Variants in DENND11 observed in about 807,000 individuals in gnomAD.
DENND11 encodes the protein DENN domain-containing protein 11.
A neutral mutation model predicts 49.2 loss-of-function variants in DENND11; 34 were observed. The observed-to-expected ratio is 0.69, with a 90% CI of 0.53 to 0.92. The LOEUF is 0.92. Among genes scored for constraint, DENND11 ranks in the 40% least tolerant of loss-of-function variants. The pLI is 0.00. For missense variants in DENND11, 475 were observed against 581.6 expected, an observed-to-expected ratio of 0.82 and a Z score of 1.88; for synonymous variants, 238 against 230.3, an observed-to-expected ratio of 1.03 and a Z score of -0.30.
rs1424126145 is a variant in DENND11, at chr7:141,702,056, C to T, written c.98G>A (p.Gly33Asp). ...CCGGGCGCCCCCGCCGCCGCCCCGG[C>T]CCCAGCCTCCCGCCTGCGGCTGCGG... is the stretch of plus-strand genomic sequence containing the variant. ...QAPQPQAGGW[G>D]RGGGGGARPA... Residue 33 changes from glycine to aspartate, a missense_variant, in exon 1 of 9, where the codon GGC becomes GAC. Coordinates refer to ENST00000536163, the MANE Select transcript of DENND11 (RefSeq NM_001080392.2). 63 of 991,278 alleles carry T rather than the reference C, an allele frequency of 6.4e-5. No homozygotes were observed. The highest frequency in any genetic ancestry group is 7.5e-5 in the Non-Finnish European group (63 of 835,376). 61.4% of individuals were successfully genotyped at this position (991,278 alleles called of 1,614,324 possible). A position where few individuals can be genotyped will look rare whatever the true frequency, so the allele number is the denominator to read the frequency against.
At chr7:141,695,818 G>A (rs573222831) in intron 1 of DENND11, among the ~76,000 whole-genome samples, 6 of 152,098 alleles carry the variant, frequency 3.9e-5, no homozygotes, top group Admixed American at 1.3e-4. Context: ...ACCATGACTT[G>A]GACCTATTAC....
chr7:141,676,989 A>G (rs574186922), intron 3 of DENND11, among the ~76,000 whole-genome samples: 1 of 152,298 alleles, frequency 6.6e-6, no homozygotes, highest in African/African-American at 2.4e-5. Flanking sequence ...TTCACTGATA[A>G]AACACAGCCA....
intron 1 of DENND11, among the ~76,000 whole-genome samples, chr7:141,692,906 T>G (rs1266805002): frequency 6.6e-6 from 1 of 152,178 alleles, no homozygotes; most frequent in East Asian, 1.9e-4. Context: ...ATTATAAAAT[T>G]TCTAGAAGAT....
intron 3 of DENND11, among the ~76,000 whole-genome samples, chr7:141,682,582 G>T (rs1798164201): frequency 6.6e-6 from 1 of 152,188 alleles, no homozygotes; most frequent in Non-Finnish European, 1.5e-5. Context: ...TAACATTTGG[G>T]AAAGAGCACC....
In DENND11 at chr7:141,658,035, A is replaced by G. The variant is rs1797725514; in HGVS notation, c.*4621T>C. 6.6e-6 allele frequency: 1 copy of G among 152,282 alleles called. No homozygotes were observed. Among genetic ancestry groups the G allele is most frequent in the Non-Finnish European group, 1.5e-5 (1 of 68,026 alleles). The allele number at this position is 152,282 out of a possible 1,614,324, so 9.4% of individuals were successfully genotyped here. A position where few individuals can be genotyped will look rare whatever the true frequency, so the allele number is the denominator to read the frequency against. ...TCCTAAAGAGCGCTGTCAGGATTTC[A>G]TAGCACAATCTCCTTATTCACTCTC... is the stretch of plus-strand genomic sequence containing the variant. On this transcript the variant is annotated 3_prime_UTR_variant, in exon 9 of 9. Coordinates refer to ENST00000536163, the MANE Select transcript of DENND11 (RefSeq NM_001080392.2).
intron 4 of DENND11, among the ~76,000 whole-genome samples, chr7:141,670,651 G>C (rs897330605): frequency 6.6e-6 from 1 of 152,152 alleles, no homozygotes; most frequent in African/African-American, 2.4e-5. Flanking sequence ...GACTTTGATG[G>C]GATTATGGCT....
intron 4 of DENND11, among the ~76,000 whole-genome samples, chr7:141,673,249 A>C (rs1206714552): frequency 6.6e-6 from 1 of 152,206 alleles, no homozygotes; most frequent in Non-Finnish European, 1.5e-5. Context: ...GGAATAAAAA[A>C]AAAAAAACAA....
At chr7:141,666,858 C>T (rs1246974563) in intron 4 of DENND11, among the ~76,000 whole-genome samples, 1 of 152,180 alleles carries the variant, frequency 6.6e-6, no homozygotes, top group Non-Finnish European at 1.5e-5. Context: ...AGTGAGGTGT[C>T]TGCAGAAGTC....
chr7:141,696,054 G>A (rs1220846741), intron 1 of DENND11, among the ~76,000 whole-genome samples: 4 of 152,340 alleles, frequency 2.6e-5, no homozygotes, highest in Non-Finnish European at 4.4e-5. Context: ...AACCGACTAC[G>A]AGGCTGGCAG....
At chr7:141,665,567 C>T (rs1321304172) in intron 5 of DENND11, among the ~76,000 whole-genome samples, 1 of 152,128 alleles carries the variant, frequency 6.6e-6, no homozygotes, top group Non-Finnish European at 1.5e-5. Flanking sequence ...TCTAGCTGGT[C>T]TTGCTTAGAA....
intron 1 of DENND11, among the ~76,000 whole-genome samples, chr7:141,690,148 A>T (rs1798304197): frequency 6.6e-6 from 1 of 152,216 alleles, no homozygotes; most frequent in African/African-American, 2.4e-5. Context: ...TCCACTGCAT[A>T]GCTGCTTCTC....
Position 141,662,624 on chromosome 7 carries a change from C to CT in DENND11, c.*31_*32insA, listed in dbSNP as rs1410077711. 1 of 1,498,126 alleles carries CT rather than the reference C, an allele frequency of 6.7e-7. No homozygotes were observed. The highest frequency in any genetic ancestry group is 8.9e-7 in the Non-Finnish European group (1 of 1,123,046). 92.8% of individuals were successfully genotyped at this position (1,498,126 alleles called of 1,614,324 possible). A position where few individuals can be genotyped will look rare whatever the true frequency, so the allele number is the denominator to read the frequency against. On this transcript the variant is annotated 3_prime_UTR_variant, in exon 9 of 9. Transcript: ENST00000536163. ...TGAACTCCGGGCTGCTGACATCCCA[C>CT]GTGAAGTGGCTCCCAGTCCTGTTGG...
At chr7:141,679,854 A>C (rs1473188430) in intron 3 of DENND11, among the ~76,000 whole-genome samples, 6 of 152,228 alleles carry the variant, frequency 3.9e-5, no homozygotes, top group Non-Finnish European at 7.3e-5. Flanking sequence ...GAAAAATACA[A>C]ATTAAAACTA....
chr7:141,696,262 G>GT (rs773198112), intron 1 of DENND11, among the ~76,000 whole-genome samples: 6 of 152,158 alleles, frequency 3.9e-5, no homozygotes, highest in African/African-American at 7.2e-5. Context: ...CACTGCCTCT[G>GT]TCTTCCAAAA....
At chr7:141,685,378 C>T in intron 3 of DENND11, 100 bp downstream of exon 3, 1 of 1,415,108 alleles carries the variant, frequency 7.1e-7, no homozygotes, top group Non-Finnish European at 9.7e-7. Context: ...GGAAAGACAT[C>T]TGCTGCTCTG....
chr7:141,665,476 G>A (rs553380542), intron 5 of DENND11, among the ~76,000 whole-genome samples, 158 bp from the exon 6 acceptor site: 3 of 152,270 alleles, frequency 2.0e-5, no homozygotes, highest in South Asian at 2.1e-4. Flanking sequence ...AAGCCTTTTG[G>A]GGTGCCATGG....
chr7:141,665,005 G>A lies in DENND11; in HGVS notation c.1002C>T (p.Tyr334=), dbSNP rs748154630. ...GTGTCTTCACATTCTGGTTATCCAC[G>A]TAGACGTCATACAGCTCCCGCTTCT... ...FEEKRELYDV[Y]VDNQNVKTHH... is the part of the protein sequence containing the mutation. Residue 334 remains tyrosine, a synonymous_variant, in exon 7 of 9, where the codon TAC becomes TAT. Coordinates refer to ENST00000536163, the MANE Select transcript of DENND11 (RefSeq NM_001080392.2). 1.7e-5 allele frequency: 28 copies of A among 1,613,904 alleles called. No homozygotes were observed. The East Asian group carries it at 2.9e-4, about 17-fold the overall frequency.
intron 4 of DENND11, among the ~76,000 whole-genome samples, chr7:141,671,115 C>A (rs145094951): frequency 6.6e-6 from 1 of 152,214 alleles, no homozygotes; most frequent in Non-Finnish European, 1.5e-5. Context: ...AATATTGTTA[C>A]ACATACGTCA....
chr7:141,665,587 G>T (rs912053830), intron 5 of DENND11, among the ~76,000 whole-genome samples: 1 of 152,084 alleles, frequency 6.6e-6, no homozygotes, highest in Non-Finnish European at 1.5e-5. Context: ...ATTTGACCTT[G>T]TCAGAACTCC....
Sources: allele counts gnomAD v4.1 joint callset (sites outside exome capture counted in the v4.1 genomes callset), GRCh38; gene constraint gnomAD v4.1.1; transcripts MANE v1.5; gene names NCBI Gene and HGNC (gene_info 2026-07-23, HGNC 2026-07-21).